Variants in HERC4 observed in about 807,000 individuals in gnomAD.
HERC4 encodes the protein HECT and RLD domain containing E3 ubiquitin protein ligase 4.
In HERC4, 28 loss-of-function variants were observed where a neutral mutation model predicts 124.3. That is an observed-to-expected ratio of 0.23 (90% CI 0.17 to 0.31). The LOEUF is 0.31. Among genes scored for constraint, HERC4 ranks in the 10% least tolerant of loss-of-function variants. The pLI is 1.00. For synonymous variants in HERC4, 407 were observed against 421.5 expected, an observed-to-expected ratio of 0.97 and a Z score of 0.42; for missense variants, 713 against 1,229.3, an observed-to-expected ratio of 0.58 and a Z score of 6.28.
chr10:67,986,883 T>C (rs17533847), intron 15 of HERC4, among the ~76,000 whole-genome samples: 14,351 of 152,170 alleles, frequency 0.094, 903 homozygotes, highest in Middle Eastern at 0.18. Flanking sequence ...CTTCTAGATC[T>C]AGGGGCATAA....
rs949689983 is a variant in HERC4, at chr10:67,922,680, TTAATG to T, written c.*246_*250del. 1.6e-5 allele frequency: 4 copies of T among 246,502 alleles called. No individual in the cohort carries two copies. Among genetic ancestry groups the T allele is most frequent in the South Asian group, 2.7e-4 (2 of 7,434 alleles). The allele number at this position is 246,502 out of a possible 1,614,324, so 15.3% of individuals were successfully genotyped here. On this transcript the variant is annotated 3_prime_UTR_variant, in exon 25 of 25. Transcript: ENST00000373700. ...TCTTAAAATTCATGTTAGTAAAACT[TTAATG>T]TATTCATAATACTTGCTATGTTTAT... is the stretch of plus-strand genomic sequence containing the variant.
At chr10:68,064,320 G>A (rs554415882) in intron 3 of HERC4, among the ~76,000 whole-genome samples, 16 of 152,106 alleles carry the variant, frequency 1.1e-4, no homozygotes, top group Admixed American at 5.2e-4. Context: ...TTGGGATGTC[G>A]TGGCAGATGG....
chr10:67,955,570 A>G, intron 17 of HERC4: 2 of 153,098 alleles, frequency 1.3e-5, no homozygotes, highest in Non-Finnish European at 2.9e-5. Flanking sequence ...TCAGGAGTTC[A>G]AGACCAGCCT....
At chr10:67,966,458 C>A (rs982315673) in intron 16 of HERC4, 1 of 378,546 alleles carries the variant, frequency 2.6e-6, no homozygotes, top group East Asian at 5.6e-5. Context: ...TTTTGTTTTA[C>A]AGTGTAATCC....
At chr10:68,056,584 A>C (rs2040560804) in intron 3 of HERC4, among the ~76,000 whole-genome samples, 1 of 152,228 alleles carries the variant, frequency 6.6e-6, no homozygotes, top group African/African-American at 2.4e-5. Context: ...CCAAGGAGTA[A>C]TGATGGAGAT....
intron 9 of HERC4, chr10:68,010,618 A>T: frequency 7.2e-7 from 1 of 1,386,682 alleles, no homozygotes; most frequent in Non-Finnish European, 1.0e-6. Flanking sequence ...TCGGCTTTGC[A>T]TATCTCCTGA....
At chr10:68,067,989 G>A (rs539604376) in intron 3 of HERC4, 2 of 152,234 alleles carry the variant, frequency 1.3e-5, no homozygotes, top group African/African-American at 4.8e-5. Context: ...TTGTGTACAA[G>A]GGGGAAGACA....
At chr10:68,027,732 G>C (rs1404875712) in intron 7 of HERC4, among the ~76,000 whole-genome samples, 1 of 151,962 alleles carries the variant, frequency 6.6e-6, no homozygotes, top group African/African-American at 2.4e-5. Flanking sequence ...AGGCCATCCT[G>C]GCCAACATGC....
intron 3 of HERC4, among the ~76,000 whole-genome samples, chr10:68,059,459 A>ATATTATAATAATATTATATATT (rs2040721829): frequency 1.2e-5 from 1 of 83,210 alleles, no homozygotes; most frequent in African/African-American, 5.8e-5. Context: ...TATATATTAT[A>ATATTATAATAATATTATATATT]ATAATATTAT....
chr10:68,019,108 T>G (rs963838074), intron 8 of HERC4, among the ~76,000 whole-genome samples: 3 of 151,398 alleles, frequency 2.0e-5, no homozygotes, highest in African/African-American at 7.3e-5. Context: ...GCAATTCTCC[T>G]GCCTCAGCCT....
rs60339707 is a variant in HERC4, at chr10:67,991,436, T to C, written c.1272-237A>G. Among the ~76,000 whole-genome samples, 20 of 152,284 alleles carry C rather than the reference T, an allele frequency of 1.3e-4. No homozygotes were observed. The East Asian group carries it at 3.9e-3, about 29-fold the overall frequency. ...CTTAAATATTACTTTCATCCATTTA[T>C]CCAATGTTATCTGCTTTAAAACATG... On this transcript the variant is annotated intron_variant, in intron 11 of 24. Coordinates refer to ENST00000373700, the MANE Select transcript of HERC4 (RefSeq NM_015601.4).
intron 2 of HERC4, among the ~76,000 whole-genome samples, 187 bp downstream of exon 2, chr10:68,073,470 T>C (rs1401244340): frequency 6.6e-6 from 1 of 152,228 alleles, no homozygotes; most frequent in Non-Finnish European, 1.5e-5. Flanking sequence ...ACTAAACTAA[T>C]AGGAATAAGT....
chr10:68,031,869 T>C (rs939049606), intron 7 of HERC4, among the ~76,000 whole-genome samples: 1 of 152,126 alleles, frequency 6.6e-6, no homozygotes, highest in East Asian at 1.9e-4. Flanking sequence ...TTCTCCTGCC[T>C]CAGCCTCCGG....
At chr10:67,967,399 T>C (rs2034954352) in intron 15 of HERC4, among the ~76,000 whole-genome samples, 1 of 152,158 alleles carries the variant, frequency 6.6e-6, no homozygotes, top group Admixed American at 6.5e-5. Flanking sequence ...GTATACGGTA[T>C]ATATAAACTA....
intron 7 of HERC4, among the ~76,000 whole-genome samples, chr10:68,031,273 C>T (rs533834086): frequency 6.6e-6 from 1 of 152,230 alleles, no homozygotes; most frequent in East Asian, 1.9e-4. Context: ...ATTTGAAAAG[C>T]ATTAACATTG....
chr10:67,936,118 T>C, intron 22 of HERC4, 35 bp downstream of exon 22: 1 of 1,352,272 alleles, frequency 7.4e-7, no homozygotes. Flanking sequence ...TACTGAATCT[T>C]ATTACTCCCA....
chr10:68,031,972 G>C (rs2039230486), intron 7 of HERC4, among the ~76,000 whole-genome samples: 1 of 152,086 alleles, frequency 6.6e-6, no homozygotes, highest in Non-Finnish European at 1.5e-5. Flanking sequence ...GGCTGGTCTT[G>C]AAGTCCTGAC....
chr10:67,979,670 G>C (rs957712555), intron 15 of HERC4, among the ~76,000 whole-genome samples: 5 of 152,126 alleles, frequency 3.3e-5, no homozygotes, highest in Non-Finnish European at 7.4e-5. Flanking sequence ...AAAGGTCAAT[G>C]ATAAACCAAG....
chr10:68,035,349 G>A (rs1425876030), intron 5 of HERC4, among the ~76,000 whole-genome samples: 7 of 151,848 alleles, frequency 4.6e-5, no homozygotes, highest in African/African-American at 1.7e-4. Context: ...GTAGAGGCAG[G>A]GTTTCACCAT....
Sources: allele counts gnomAD v4.1 joint callset (sites outside exome capture counted in the v4.1 genomes callset), GRCh38; gene constraint gnomAD v4.1.1; transcripts MANE v1.5; gene names NCBI Gene and HGNC (gene_info 2026-07-23, HGNC 2026-07-21).